The following SLC2A10 variants were observed in gnomAD, a reference collection of about 807,000 sequenced individuals.
SLC2A10 encodes the protein solute carrier family 2, facilitated glucose transporter member 10.
A neutral mutation model predicts 32.1 loss-of-function variants in SLC2A10; 25 were observed. The ratio of observed to expected loss-of-function variants is 0.78; its 90% CI spans 0.57 to 1.09. The LOEUF is 1.09. SLC2A10 is among the 50% of genes least tolerant of loss of function. The probability of loss-of-function intolerance (pLI) is 0.00; values close to 1 mark genes in which losing one functional copy is unlikely to be tolerated. For missense variants in SLC2A10, 673 were observed against 686.5 expected, an observed-to-expected ratio of 0.98 and a Z score of 0.22; for synonymous variants, 332 against 309.6, an observed-to-expected ratio of 1.07 and a Z score of -0.76.
rs1000993082 is a variant in SLC2A10, at chr20:46,735,147, G to C, written c.*1313G>C. 1.2e-4 allele frequency: 19 copies of C among 152,680 alleles called. No individual in the cohort carries two copies. Among genetic ancestry groups the C allele is most frequent in the African/African-American group, 3.9e-4 (16 of 41,428 alleles). The allele number at this position is 152,680 out of a possible 1,614,324, so 9.5% of individuals were successfully genotyped here. A position where few individuals can be genotyped will look rare whatever the true frequency, so the allele number is the denominator to read the frequency against. ...ATGACTGCAGATCATGTAAGGAAGGGACTGACAAGAAGCTCCCAGATGCTG... is the reference window on the plus strand; with the variant it reads ...ATGACTGCAGATCATGTAAGGAAGGCACTGACAAGAAGCTCCCAGATGCTG... On this transcript the variant is annotated 3_prime_UTR_variant, in exon 5 of 5. Coordinates refer to ENST00000359271, the MANE Select transcript of SLC2A10 (RefSeq NM_030777.4).
At chr20:46,710,528 G>A (rs1600653256) in intron 1 of SLC2A10, 1 of 152,594 alleles carries the variant, frequency 6.6e-6, no homozygotes. Flanking sequence ...AAATGGGGTG[G>A]CGTGAAGGCC....
chr20:46,719,442 T>A (rs1193508893), intron 1 of SLC2A10, among the ~76,000 whole-genome samples: 1 of 152,180 alleles, frequency 6.6e-6, no homozygotes, highest in African/African-American at 2.4e-5. Flanking sequence ...GTTCCATGTG[T>A]CTGGGGAGGC....
At chr20:46,716,148 G>A (rs1358596161) in intron 1 of SLC2A10, among the ~76,000 whole-genome samples, 2 of 150,624 alleles carry the variant, frequency 1.3e-5, no homozygotes, top group Admixed American at 1.3e-4. Context: ...ACGTTGGGGT[G>A]AGAACTTTTT....
At chr20:46,731,762 G>A (rs1300839162) in intron 4 of SLC2A10, among the ~76,000 whole-genome samples, 2 of 152,166 alleles carry the variant, frequency 1.3e-5, no homozygotes, top group Non-Finnish European at 2.9e-5. Context: ...AGGCCACAGA[G>A]AGAGAGAGAA....
intron 1 of SLC2A10, among the ~76,000 whole-genome samples, chr20:46,716,274 C>T (rs1979234920): frequency 6.6e-6 from 1 of 152,004 alleles, no homozygotes; most frequent in African/African-American, 2.4e-5. Flanking sequence ...CCACCTCAGC[C>T]TCCCGAGTAG....
chr20:46,711,154 C>G (rs951661520), intron 1 of SLC2A10, among the ~76,000 whole-genome samples: 1 of 152,214 alleles, frequency 6.6e-6, no homozygotes, highest in Non-Finnish European at 1.5e-5. Context: ...CCTCCGCGCC[C>G]GGCCCTGAAT....
At chr20:46,710,874 TTTC>T (rs1023903648) in intron 1 of SLC2A10, among the ~76,000 whole-genome samples, 5 of 150,060 alleles carry the variant, frequency 3.3e-5, no homozygotes, top group African/African-American at 1.2e-4. Flanking sequence ...TGAATTATCT[TTTC>T]TTTTTTTTTT....
chr20:46,730,996 C>T lies in SLC2A10; in HGVS notation c.1547+1508C>T, dbSNP rs558277325. On this transcript the variant is annotated intron_variant, in intron 4 of 4. Coordinates refer to ENST00000359271, the MANE Select transcript of SLC2A10 (RefSeq NM_030777.4). ...GGATCCTAATGTAAGAACCTGTGACCCAGTCCTCCCCACCCCAGAATGTTC... is the reference window on the plus strand; with the variant it reads ...GGATCCTAATGTAAGAACCTGTGACTCAGTCCTCCCCACCCCAGAATGTTC... Among the ~76,000 whole-genome samples, 7 of 152,306 alleles carry T rather than the reference C, an allele frequency of 4.6e-5. No homozygotes were observed. In the South Asian group the frequency reaches 1.0e-3, roughly 23 times the overall value.
At position 46,735,004 on chromosome 20, in the gene SLC2A10, G is replaced by T. The variant is rs1280925101; in HGVS notation, c.*1170G>T. 6.6e-6 allele frequency: 1 copy of T among 152,620 alleles called. No homozygotes were observed. Among genetic ancestry groups the T allele is most frequent in the African/African-American group, 2.4e-5 (1 of 41,432 alleles). 9.5% of individuals were successfully genotyped at this position (152,620 alleles called of 1,614,324 possible). On this transcript the variant is annotated 3_prime_UTR_variant, in exon 5 of 5. Coordinates refer to ENST00000359271, the MANE Select transcript of SLC2A10 (RefSeq NM_030777.4). ...ATATTTAGACCCTGTTTCCTTTCAG[G>T]AGGGTCCCCAGCTGGTCCAGGGCCT...
At chr20:46,713,013 A>G (rs954182422) in intron 1 of SLC2A10, among the ~76,000 whole-genome samples, 1 of 151,966 alleles carries the variant, frequency 6.6e-6, no homozygotes, top group Non-Finnish European at 1.5e-5. Context: ...GGCCACTTCC[A>G]GGCCCTGGAC....
chr20:46,725,596 C>T lies in SLC2A10; in HGVS notation c.560C>T (p.Ala187Val), dbSNP rs774586340. ...LQSLSLLFLP[A>V]GTDETATHKD... ...TCCCTCAGCCTCCTCTTCCTCCCTG[C>T]TGGTACAGATGAGACTGCAACACAC... Residue 187 changes from alanine (A) to valine (V), a missense_variant, in exon 2 of 5, where the codon GCT (alanine) becomes GTT (valine). Ala to Val is a moderately conservative substitution (Grantham distance 64). Coordinates refer to ENST00000359271, the MANE Select transcript of SLC2A10 (RefSeq NM_030777.4). The T allele has an allele frequency of 6.2e-6, 10 of 1,614,182 alleles. No homozygotes were observed. Among genetic ancestry groups the T allele is most frequent in the African/African-American group, 5.3e-5 (4 of 75,066 alleles).
chr20:46,712,651 C>CTTTTTTTTTTTTTTTTTTTTT (rs11477202), intron 1 of SLC2A10, among the ~76,000 whole-genome samples: 1 of 94,424 alleles, frequency 1.1e-5, no homozygotes, highest in Non-Finnish European at 2.0e-5. Flanking sequence ...TTCTTTCTTT[C>CTTTTTTTTTTTTTTTTTTTTT]TTTTTTTTTT....
At chr20:46,723,675 C>T (rs1339398849) in intron 1 of SLC2A10, among the ~76,000 whole-genome samples, 1 of 152,286 alleles carries the variant, frequency 6.6e-6, no homozygotes, top group South Asian at 2.1e-4. Flanking sequence ...ACTTGCAAAG[C>T]CCCACATGAT....
chr20:46,732,866 G>C (rs191100049), intron 4 of SLC2A10, among the ~76,000 whole-genome samples: 34 of 152,278 alleles, frequency 2.2e-4, no homozygotes, highest in African/African-American at 6.7e-4. Context: ...AGTTTCAAGA[G>C]CTGGAAGAAA....
At chr20:46,724,802 TGGAA>T (rs1282106646) in intron 1 of SLC2A10, among the ~76,000 whole-genome samples, 3 of 145,048 alleles carry the variant, frequency 2.1e-5, no homozygotes, top group African/African-American at 7.8e-5. Flanking sequence ...GATGGACAGA[TGGAA>T]GGATGGATGG....
intron 1 of SLC2A10, among the ~76,000 whole-genome samples, chr20:46,722,584 C>T (rs1979620929): frequency 6.6e-6 from 1 of 152,164 alleles, no homozygotes; most frequent in Admixed American, 6.5e-5. Flanking sequence ...ATGTGGGGCC[C>T]AAATATCCAT....
At chr20:46,709,404 G>C, upstream of SLC2A10, 1 of 405,766 alleles carries the variant, frequency 2.5e-6, no homozygotes, top group Non-Finnish European at 4.3e-6. Context: ...TGGCTTGCTG[G>C]TGTGTCCCCC....
At chr20:46,729,686 G>T (rs1980189559) in intron 4 of SLC2A10, among the ~76,000 whole-genome samples, 198 bp downstream of exon 4, 1 of 135,366 alleles carries the variant, frequency 7.4e-6, no homozygotes, top group Non-Finnish European at 1.5e-5. Flanking sequence ...CTGTTGCCCA[G>T]GCTGGAGTGC....
At chr20:46,732,794 T>C (rs987228330) in intron 4 of SLC2A10, among the ~76,000 whole-genome samples, 42 of 152,148 alleles carry the variant, frequency 2.8e-4, no homozygotes, top group African/African-American at 9.6e-4. Flanking sequence ...GAGCTGAGAC[T>C]GGAATTACAA....
Sources: gnomAD v4.1 joint callset for allele counts (sites outside exome capture counted in the v4.1 genomes callset) on GRCh38, gnomAD v4.1.1 for gene constraint, MANE v1.5 for transcripts, NCBI Gene and HGNC (gene_info 2026-07-23, HGNC 2026-07-21) for gene names.